Variants in SGCD observed in about 807,000 individuals in gnomAD.
The protein encoded by SGCD is sarcoglycan delta, also known as delta-sarcoglycan.
A neutral mutation model predicts 36.6 loss-of-function variants in SGCD; 18 were observed. The ratio of observed to expected loss-of-function variants is 0.49; its 90% confidence interval spans 0.34 to 0.73. The LOEUF (loss-of-function observed/expected upper bound fraction) is 0.73, where lower values mean the gene tolerates loss of function less well. SGCD is among the 30% of genes least tolerant of loss of function. The probability of loss-of-function intolerance (pLI) is 0.01; values close to 1 mark genes in which losing one functional copy is unlikely to be tolerated. For synonymous variants in SGCD, 133 were observed against 130.6 expected (o/e 1.02, Z -0.12); for missense variants, 387 against 346.7 (o/e 1.12, Z -0.92).
intron 1 of SGCD, among the ~76,000 whole-genome samples, chr5:155,880,022 C>T (rs1755848775): frequency 6.6e-6 from 1 of 152,144 alleles, no homozygotes; most frequent in South Asian, 2.1e-4. Flanking sequence ...CCATATTTGT[C>T]TAGTGACTAA....
chr5:156,127,636 A>G (rs1407379639), intron 3 of SGCD, among the ~76,000 whole-genome samples: 3 of 151,924 alleles, frequency 2.0e-5, no homozygotes, highest in Non-Finnish European at 2.9e-5. Context: ...AAAAATAAAT[A>G]ATAAAACAAT....
chr5:156,468,674 A>G (rs560970150), intron 3 of SGCD, among the ~76,000 whole-genome samples: 2 of 152,220 alleles, frequency 1.3e-5, no homozygotes, highest in African/African-American at 4.8e-5. Flanking sequence ...AGAACATACC[A>G]CATAAGACTG....
intron 3 of SGCD, among the ~76,000 whole-genome samples, chr5:156,219,697 G>C (rs1211753137): frequency 6.6e-6 from 1 of 152,174 alleles, no homozygotes; most frequent in East Asian, 1.9e-4. Flanking sequence ...GTCTCTTAGT[G>C]ATATAGCTAC....
At chr5:156,286,681 G>A (rs1037887037) in intron 3 of SGCD, among the ~76,000 whole-genome samples, 4 of 152,136 alleles carry the variant, frequency 2.6e-5, no homozygotes, top group African/African-American at 9.7e-5. Context: ...TTGTGGGTTG[G>A]GGGAGTGGGG....
chr5:156,260,421 A>G (rs1314492532), intron 3 of SGCD, among the ~76,000 whole-genome samples: 1 of 152,166 alleles, frequency 6.6e-6, no homozygotes, highest in Admixed American at 6.5e-5. Flanking sequence ...TTACTAAGCA[A>G]TATTTTATAA....
At chr5:155,916,951 C>T (rs1294541021) in intron 1 of SGCD, among the ~76,000 whole-genome samples, 1 of 152,134 alleles carries the variant, frequency 6.6e-6, no homozygotes, top group Non-Finnish European at 1.5e-5. Context: ...TCTTGGCTTT[C>T]CCCTAATTGC....
chr5:156,377,649 T>A (rs1307908727), intron 3 of SGCD, among the ~76,000 whole-genome samples: 3 of 152,144 alleles, frequency 2.0e-5, no homozygotes, highest in Non-Finnish European at 4.4e-5. Context: ...CACTTAGAGA[T>A]GGGAATGGTG....
At chr5:156,258,515 T>C (rs1362273771) in intron 3 of SGCD, among the ~76,000 whole-genome samples, 2 of 152,212 alleles carry the variant, frequency 1.3e-5, no homozygotes, top group African/African-American at 4.8e-5. Context: ...GTTGGTTTAC[T>C]ATCAAACAAA....
chr5:156,252,805 G>C (rs977126267), intron 3 of SGCD, among the ~76,000 whole-genome samples: 2 of 152,172 alleles, frequency 1.3e-5, no homozygotes, highest in African/African-American at 4.8e-5. Context: ...TGAAAGTCCA[G>C]GAAGATGCAG....
intron 1 of SGCD, among the ~76,000 whole-genome samples, chr5:155,882,409 G>T (rs1383050656): frequency 6.6e-6 from 1 of 152,150 alleles, no homozygotes; most frequent in Non-Finnish European, 1.5e-5. Flanking sequence ...CTAGCATGGT[G>T]AATTATTTCC....
chr5:156,491,858 A>G (rs1299663132), intron 3 of SGCD, among the ~76,000 whole-genome samples: 1 of 151,968 alleles, frequency 6.6e-6, no homozygotes, highest in Non-Finnish European at 1.5e-5. Context: ...TTGTGACATA[A>G]CTCATTTTTA....
At chr5:156,587,667 A>T (rs1205610818) in intron 4 of SGCD, among the ~76,000 whole-genome samples, 1 of 152,120 alleles carries the variant, frequency 6.6e-6, no homozygotes, top group Non-Finnish European at 1.5e-5. Context: ...TAGACAGCCC[A>T]CAATTTTCTT....
chr5:155,964,284 C>T (rs1757856280), intron 1 of SGCD, among the ~76,000 whole-genome samples: 1 of 152,046 alleles, frequency 6.6e-6, no homozygotes, highest in African/African-American at 2.4e-5. Context: ...TGGTAATATA[C>T]TCTAATGTAT....
chr5:155,970,077 C>T (rs1055456821), intron 1 of SGCD, among the ~76,000 whole-genome samples: 1 of 152,000 alleles, frequency 6.6e-6, no homozygotes, highest in African/African-American at 2.4e-5. Flanking sequence ...AGCCTCAGGC[C>T]TTTCCAAGAC....
chr5:156,583,974 T>A (rs1020534919), intron 4 of SGCD, among the ~76,000 whole-genome samples: 2 of 152,160 alleles, frequency 1.3e-5, no homozygotes, highest in Non-Finnish European at 2.9e-5. Flanking sequence ...AACTCAAATG[T>A]TGATAGAAGA....
chr5:155,851,096 C>T, the SGCD span, among the ~76,000 whole-genome samples: 1 of 152,178 alleles, frequency 6.6e-6, no homozygotes, highest in Non-Finnish European at 1.5e-5. Context: ...TGGATGGTAT[C>T]TTTCTCTTTC....
At chr5:156,185,218 T>C (rs898985347) in intron 3 of SGCD, among the ~76,000 whole-genome samples, 8 of 142,646 alleles carry the variant, frequency 5.6e-5, no homozygotes, top group Admixed American at 6.9e-5. Flanking sequence ...TTTTCTTTTT[T>C]TTTTTTTTTT....
intron 1 of SGCD, among the ~76,000 whole-genome samples, chr5:155,963,838 A>T (rs1757844576): frequency 6.6e-6 from 1 of 152,114 alleles, no homozygotes; most frequent in Non-Finnish European, 1.5e-5. Context: ...TTTGTATTAA[A>T]AATGAACCCC....
chr5:156,081,719 A>G (rs1760958473), intron 1 of SGCD, among the ~76,000 whole-genome samples: 1 of 151,756 alleles, frequency 6.6e-6, no homozygotes, highest in East Asian at 1.9e-4. Flanking sequence ...AAATATTCCC[A>G]CCTCTTTTCT....
Sources: gnomAD v4.1 joint callset for allele counts (sites outside exome capture counted in the v4.1 genomes callset) on GRCh38, gnomAD v4.1.1 for gene constraint, MANE v1.5 for transcripts, NCBI Gene and HGNC (gene_info 2026-07-23, HGNC 2026-07-21) for gene names.